Variants in RAD17 observed in about 807,000 individuals in gnomAD.
RAD17 encodes the protein RAD17 checkpoint clamp loader component, also known as cell cycle checkpoint protein RAD17.
Under a neutral mutation model 81.5 loss-of-function variants are expected in RAD17, and 31 were observed. The ratio of observed to expected loss-of-function variants is 0.38; its 90% CI spans 0.29 to 0.51. The LOEUF is 0.51. Ranked by LOEUF, RAD17 falls within the 20% of genes least tolerant of loss-of-function variation. RAD17 has a pLI of 0.88. For synonymous variants in RAD17, 261 were observed against 266.2 expected (o/e 0.98, Z 0.19); for missense variants, 681 against 781.2 (o/e 0.87, Z 1.53).
At chr5:69,395,098 GAC>G (rs1203815933) in intron 15 of RAD17, among the ~76,000 whole-genome samples, 8 of 152,094 alleles carry the variant, frequency 5.3e-5, no homozygotes, top group Admixed American at 3.9e-4. Flanking sequence ...AATTAGGAAA[GAC>G]ACAGAAAAAC....
chr5:69,405,275 G>A (rs1465832033), intron 17 of RAD17, among the ~76,000 whole-genome samples: 2 of 151,558 alleles, frequency 1.3e-5, no homozygotes, highest in Middle Eastern at 3.2e-3. Context: ...AGGCTGAGGC[G>A]GGCGGATCAC....
At chr5:69,373,686 A>T (rs28532555) in intron 4 of RAD17, 144 bp from the exon 5 acceptor site, 24,941 of 251,290 alleles carry the variant, frequency 0.099, 3,464 homozygotes, top group Non-Finnish European at 0.12. Flanking sequence ...TCTCAAAAAA[A>T]TTTTTTTTTT....
rs1359445289 is a variant in RAD17 at position 69,377,503 on chromosome 5, A to ATG, written c.351+2793_351+2794insGT. Among the ~76,000 whole-genome samples the ATG allele has an allele frequency of 1.1e-4, 12 of 104,670 alleles. 1 individual carries two copies. The highest frequency in any genetic ancestry group is 4.5e-4 in the African/African-American group (12 of 26,386). The allele number at this position is 104,670 out of a possible 152,430, so 68.7% of individuals were successfully genotyped here. On this transcript the variant is annotated intron_variant, in intron 6 of 18. Transcript: ENST00000354868. The stretch of plus-strand genomic sequence containing the variant: ...CACACACACATATATATACGTATAT[A>ATG]TATGTATATATACGTATATATATGT...
chr5:69,376,816 T>G (rs1267846315), intron 6 of RAD17, among the ~76,000 whole-genome samples: 2 of 151,962 alleles, frequency 1.3e-5, no homozygotes, highest in African/African-American at 4.8e-5. Context: ...TGCAGTGGCA[T>G]GATCTTGGCT....
upstream of RAD17, chr5:69,369,774 G>T: frequency 6.9e-7 from 1 of 1,447,014 alleles, no homozygotes; most frequent in Non-Finnish European, 9.5e-7. Flanking sequence ...GGTGGTCCCC[G>T]CCCTTCGCTT....
intron 6 of RAD17, among the ~76,000 whole-genome samples, chr5:69,380,677 A>G (rs951751292): frequency 6.6e-6 from 1 of 151,626 alleles, no homozygotes; most frequent in African/African-American, 2.4e-5. Flanking sequence ...TTTTTTTTTA[A>G]TCAAATTTAC....
chr5:69,377,338 C>CT (rs1052461870), intron 6 of RAD17, among the ~76,000 whole-genome samples: 1 of 149,268 alleles, frequency 6.7e-6, no homozygotes, highest in Admixed American at 6.8e-5. Flanking sequence ...TAGCAATACT[C>CT]TGTCAGTATA....
rs1340277512 is a variant in RAD17, at chr5:69,372,188, C to T, written c.-21C>T. 1.2e-6 allele frequency: 2 copies of T among 1,607,938 alleles called. No individual in the cohort carries two copies. Among genetic ancestry groups the T allele is most frequent in the Admixed American group, 1.7e-5 (1 of 59,786 alleles). ...GGGGCCAAGATTATAGTACCAGTCACAATCTTTTGATGAGGACGAAATGAA... is the reference window on the plus strand; with the variant it reads ...GGGGCCAAGATTATAGTACCAGTCATAATCTTTTGATGAGGACGAAATGAA... On this transcript the variant is annotated 5_prime_UTR_variant, in exon 4 of 19. Transcript: ENST00000354868.
chr5:69,410,224 C>G (rs1364099261), intron 17 of RAD17, among the ~76,000 whole-genome samples: 3 of 152,066 alleles, frequency 2.0e-5, no homozygotes, highest in African/African-American at 4.8e-5. Context: ...TTTGAGGATG[C>G]ACTATACTGT....
chr5:69,396,566 T>G lies in RAD17; in HGVS notation c.1572+20T>G, dbSNP rs751654466. 2.7e-6 allele frequency: 2 copies of G among 749,286 alleles called. No individual in the cohort carries two copies. The highest frequency in any genetic ancestry group is 4.0e-5 in the African/African-American group (2 of 50,552). 46.4% of individuals were successfully genotyped at this position (749,286 alleles called of 1,614,324 possible). A position where few individuals can be genotyped will look rare whatever the true frequency, so the allele number is the denominator to read the frequency against. On this transcript the variant is annotated intron_variant, in intron 16 of 18. Coordinates refer to ENST00000354868, the MANE Select transcript of RAD17 (RefSeq NM_133338.3). ...AAAAAGGTAAAAAAAAAAAAAAAAA[T>G]TCTGTACTTTCAATATGTGAACTTT...
At chr5:69,386,547 T>C in intron 11 of RAD17, 82 bp downstream of exon 11, 1 of 1,321,274 alleles carries the variant, frequency 7.6e-7, no homozygotes, top group Non-Finnish European at 9.8e-7. Context: ...GAAGGAGTGT[T>C]ATTTTAATTT....
At chr5:69,410,959 G>GTCTA (rs61067661) in intron 18 of RAD17, among the ~76,000 whole-genome samples, 104,075 of 118,698 alleles carry the variant, frequency 0.88, 45,325 homozygotes, top group Non-Finnish European at 0.94. Context: ...AAAAATAGAT[G>GTCTA]TCTGTCTATA....
chr5:69,411,963 C>A (rs900889388), intron 18 of RAD17, among the ~76,000 whole-genome samples: 5 of 148,724 alleles, frequency 3.4e-5, no homozygotes, highest in Non-Finnish European at 7.5e-5. Flanking sequence ...ATTTTCTTTT[C>A]TTTTTTTTTT....
chr5:69,385,738 AG>A (rs1449587681), intron 8 of RAD17, among the ~76,000 whole-genome samples: 1 of 152,226 alleles, frequency 6.6e-6, no homozygotes, highest in Non-Finnish European at 1.5e-5. Flanking sequence ...GAATAGCTGT[AG>A]GATAAGGAAT....
At chr5:69,380,363 G>A (rs1476531947) in intron 6 of RAD17, among the ~76,000 whole-genome samples, 1 of 152,110 alleles carries the variant, frequency 6.6e-6, no homozygotes, top group African/African-American at 2.4e-5. Flanking sequence ...CCACAAACAT[G>A]AGTGATGTTT....
Position 69,400,050 on chromosome 5 carries a change from A to G in RAD17, c.1574A>G (p.Tyr525Cys). 1.3e-6 allele frequency: 2 copies of G among 1,580,886 alleles called. No homozygotes were observed. The highest frequency in any genetic ancestry group is 1.2e-5 in the South Asian group (1 of 86,250). The change falls in exon 17 of 19, where the codon TAT (tyrosine) becomes TGT (cysteine). Residue 525 changes from tyrosine to cysteine, a missense_variant and splice_region_variant. Physicochemically the swap from Tyr to Cys is radical, Grantham distance 194. Coordinates refer to ENST00000354868, the MANE Select transcript of RAD17 (RefSeq NM_133338.3). Reference sequence around the variant, plus strand: ...CTTTTTTTTTTCTTTTCTATACAGTATCGGGAAAATTGCCTGGCAGCAAAA... The same window carrying G: ...CTTTTTTTTTTCTTTTCTATACAGTGTCGGGAAAATTGCCTGGCAGCAAAA... ...KPQWFLINKK[Y>C]RENCLAAKAL...
intron 6 of RAD17, among the ~76,000 whole-genome samples, chr5:69,379,566 A>G (rs1763718283): frequency 6.6e-6 from 1 of 152,122 alleles, no homozygotes; most frequent in Non-Finnish European, 1.5e-5. Context: ...AATAACACTT[A>G]GCTTAAAACA....
chr5:69,370,879 C>T (rs1762927193), intron 1 of RAD17, 156 bp from the exon 2 acceptor site: 1 of 233,162 alleles, frequency 4.3e-6, no homozygotes, highest in Admixed American at 5.4e-5. Flanking sequence ...AACTTTTCTT[C>T]TGGCTAACTT....
intron 4 of RAD17, among the ~76,000 whole-genome samples, chr5:69,373,043 A>G (rs747674265): frequency 2.6e-5 from 4 of 152,182 alleles, no homozygotes; most frequent in Non-Finnish European, 5.9e-5. Flanking sequence ...TCTTTGGCCT[A>G]TATCTTCACT....
Sources: allele counts gnomAD v4.1 joint callset (sites outside exome capture counted in the v4.1 genomes callset), GRCh38; gene constraint gnomAD v4.1.1; transcripts MANE v1.5; gene names NCBI Gene and HGNC (gene_info 2026-07-23, HGNC 2026-07-21).